Variants in TNRC6B observed in about 807,000 individuals in gnomAD.
TNRC6B encodes trinucleotide repeat-containing gene 6B protein.
A neutral mutation model predicts 203.6 loss-of-function variants in TNRC6B; 52 were observed. The ratio of observed to expected loss-of-function variants is 0.26; its 90% CI spans 0.20 to 0.32. The LOEUF (loss-of-function observed/expected upper bound fraction) is 0.32. Among genes scored for constraint, TNRC6B ranks in the 10% least tolerant of loss-of-function variants. The probability of loss-of-function intolerance (pLI) is 1.00; values close to 1 mark genes in which losing one functional copy is unlikely to be tolerated. For missense variants in TNRC6B, 1,923 were observed against 2,286.2 expected (o/e 0.84, Z 3.24); for synonymous variants, 838 against 845.7 (o/e 0.99, Z 0.16).
intron 12 of TNRC6B, among the ~76,000 whole-genome samples, chr22:40,285,995 T>C (rs1247507323): frequency 6.6e-6 from 1 of 152,240 alleles, no homozygotes; most frequent in African/African-American, 2.4e-5. Context: ...TCTCATTTTT[T>C]ATTTCATCAT....
intron 1 of TNRC6B, among the ~76,000 whole-genome samples, chr22:40,091,817 G>A (rs985114800): frequency 2.0e-5 from 3 of 151,850 alleles, no homozygotes; most frequent in Non-Finnish European, 4.4e-5. Context: ...TTTTTATAAT[G>A]AAACTTAAAA....
At chr22:40,276,124 G>T (rs1166946525) in intron 7 of TNRC6B, among the ~76,000 whole-genome samples, 1 of 152,056 alleles carries the variant, frequency 6.6e-6, no homozygotes, top group Admixed American at 6.6e-5. Flanking sequence ...GAGGCAAGCG[G>T]ATCACGAGGT....
intron 3 of TNRC6B, among the ~76,000 whole-genome samples, chr22:40,259,139 T>A (rs2070333419): frequency 6.6e-6 from 1 of 152,246 alleles, no homozygotes; most frequent in Non-Finnish European, 1.5e-5. Context: ...GATAGAAAAT[T>A]AATATTAAAT....
At chr22:40,091,867 G>A (rs976133571) in intron 1 of TNRC6B, among the ~76,000 whole-genome samples, 12 of 152,102 alleles carry the variant, frequency 7.9e-5, no homozygotes, top group East Asian at 1.9e-4. Context: ...AAACTGGCCC[G>A]TGTATGGGTG....
chr22:40,199,066 A>T (rs2069376299), intron 1 of TNRC6B, among the ~76,000 whole-genome samples: 5 of 152,128 alleles, frequency 3.3e-5, no homozygotes, highest in African/African-American at 1.2e-4. Flanking sequence ...TGATGAAAAC[A>T]TGCCAAAAGG....
Position 40,213,918 on chromosome 22 carries a change from C to T in TNRC6B, c.6-32097C>T, listed in dbSNP as rs2069597595. On this transcript the variant is annotated intron_variant, in intron 1 of 22. Coordinates refer to ENST00000454349, the MANE Select transcript of TNRC6B (RefSeq NM_001162501.2). ...GAGAGAATAATATGTAAGCTCTCTT[C>T]CTTAAAAAAATAATGTAGACAGGTA... 2.6e-5 allele frequency among the ~76,000 whole-genome samples: 4 copies of T among 152,224 alleles called. No homozygotes were observed. The South Asian group carries it at 8.3e-4, about 32-fold the overall frequency.
chr22:40,196,111 G>T (rs1052016916), intron 1 of TNRC6B, among the ~76,000 whole-genome samples: 4 of 151,646 alleles, frequency 2.6e-5, no homozygotes, highest in South Asian at 4.2e-4. Flanking sequence ...CTGCTAGGTT[G>T]GCCCATAGTG....
chr22:40,307,945 C>G (rs910714075), intron 15 of TNRC6B, among the ~76,000 whole-genome samples: 1 of 152,188 alleles, frequency 6.6e-6, no homozygotes, highest in African/African-American at 2.4e-5. Context: ...TCCTCATCCC[C>G]CACCACTCTC....
In TNRC6B at chr22:40,312,977, C is replaced by T. The variant is rs1470526127; in HGVS notation, c.4658C>T (p.Thr1553Ile). The change falls in exon 19 of 23, where the codon ACC becomes ATC. Residue 1553 changes from threonine to isoleucine, a missense_variant. Transcript: ENST00000454349. ...TACAGTGCCTCTGACAACTCCTTTACCAACGTTCATAGCACTTCAGGTATG... is the reference window on the plus strand; with the variant it reads ...TACAGTGCCTCTGACAACTCCTTTATCAACGTTCATAGCACTTCAGGTATG... ...WPYSASDNSF[T>I]NVHSTSAKFP... is the part of the protein sequence containing the mutation. 3 of 1,613,734 alleles carry T rather than the reference C, an allele frequency of 1.9e-6. No individual in the cohort carries two copies. Among genetic ancestry groups the T allele is most frequent in the South Asian group, 1.1e-5 (1 of 90,988 alleles).
intron 3 of TNRC6B, among the ~76,000 whole-genome samples, chr22:40,260,455 T>C (rs1377927588): frequency 6.6e-6 from 1 of 152,170 alleles, no homozygotes; most frequent in East Asian, 1.9e-4. Flanking sequence ...AAATGGAGAA[T>C]TTCTGTGATA....
intron 7 of TNRC6B, among the ~76,000 whole-genome samples, chr22:40,276,355 A>G (rs2070645092): frequency 6.6e-6 from 1 of 151,866 alleles, no homozygotes; most frequent in Non-Finnish European, 1.5e-5. Context: ...AAAGATAGCT[A>G]TCATCACAAC....
chr22:40,116,911 G>A (rs2068392367), intron 1 of TNRC6B: 1 of 152,320 alleles, frequency 6.6e-6, no homozygotes, highest in Admixed American at 6.5e-5. Context: ...TGAGGAAGCT[G>A]AGCTCTGAGG....
chr22:40,279,919 G>A, intron 9 of TNRC6B, 76 bp from the exon 10 acceptor site: 1 of 1,336,978 alleles, frequency 7.5e-7, no homozygotes, highest in Non-Finnish European at 1.1e-6. Context: ...CATGAGGATA[G>A]TGGGGCAGGT....
In TNRC6B at chr22:40,285,738, G is replaced by A. The variant is rs373159141; in HGVS notation, c.3676G>A (p.Ala1226Thr). ...ACTAAATTCTTCTCCCAGTCTCCGG[G>A]CGCAAGTGCCTCCCCAGTTTATTTC... ...QPLNSSPSLR[A>T]QVPPQFISPQ... The change falls in exon 12 of 23, where the codon GCG (alanine) becomes ACG (threonine). Residue 1226 changes from alanine to threonine, a missense_variant. Coordinates refer to ENST00000454349, the MANE Select transcript of TNRC6B (RefSeq NM_001162501.2). 3 of 1,613,822 alleles carry A rather than the reference G, an allele frequency of 1.9e-6. No individual in the cohort carries two copies. Among genetic ancestry groups the A allele is most frequent in the Admixed American group, 3.3e-5 (2 of 59,988 alleles).
intron 2 of TNRC6B, among the ~76,000 whole-genome samples, chr22:40,117,648 T>C (rs1037023059): frequency 1.3e-5 from 2 of 152,108 alleles, no homozygotes; most frequent in African/African-American, 4.8e-5. Context: ...CCTAGATATA[T>C]ATATAGTATT....
rs2071430138 is a variant in TNRC6B, at chr22:40,328,624, T to C, written c.*5383T>C. On this transcript the variant is annotated 3_prime_UTR_variant, in exon 23 of 23. Transcript: ENST00000454349. ...GCTGTGTACTTTTTAATTTCATTTT[T>C]TATATTCTGCCATCTTGACTCTTCT... 2 of 152,320 alleles carry C rather than the reference T, an allele frequency of 1.3e-5. No homozygotes were observed. Among genetic ancestry groups the C allele is most frequent in the South Asian group, 4.1e-4 (2 of 4,828 alleles). The allele number at this position is 152,320 out of a possible 1,614,324, so 9.4% of individuals were successfully genotyped here.
intron 4 of TNRC6B, among the ~76,000 whole-genome samples, chr22:40,161,422 G>A (rs1347282901): frequency 6.6e-6 from 1 of 152,128 alleles, no homozygotes; most frequent in Non-Finnish European, 1.5e-5. Context: ...GCAGATTCTT[G>A]TAATGATTAG....
At chr22:40,252,543 A>G (rs1468699738) in intron 3 of TNRC6B, among the ~76,000 whole-genome samples, 1 of 152,250 alleles carries the variant, frequency 6.6e-6, no homozygotes, top group East Asian at 1.9e-4. Flanking sequence ...AAATTCTCGT[A>G]TGACTAGGCG....
At chr22:40,315,562 T>A in intron 20 of TNRC6B, 55 bp downstream of exon 20, 1 of 1,559,236 alleles carries the variant, frequency 6.4e-7, no homozygotes, top group Non-Finnish European at 8.8e-7. Flanking sequence ...GGGCTTATGT[T>A]AACACAGATG....
Sources: gnomAD v4.1 joint callset for allele counts (sites outside exome capture counted in the v4.1 genomes callset) on GRCh38, gnomAD v4.1.1 for gene constraint, MANE v1.5 for transcripts, NCBI Gene and HGNC (gene_info 2026-07-23, HGNC 2026-07-21) for gene names.